The following KDM4C variants were observed in gnomAD, a reference collection of about 807,000 sequenced individuals.
KDM4C encodes lysine demethylase 4C.
A neutral mutation model predicts 129.3 loss-of-function variants in KDM4C; 81 were observed. That is an observed-to-expected ratio of 0.63 (90% CI 0.52 to 0.75). The LOEUF (loss-of-function observed/expected upper bound fraction) is 0.75. Ranked by LOEUF, KDM4C falls within the 30% of genes least tolerant of loss-of-function variation. The pLI, the probability that KDM4C is intolerant of heterozygous loss-of-function variation, is 0.00. For synonymous variants in KDM4C, 573 were observed against 456.1 expected, an observed-to-expected ratio of 1.26 and a Z score of -3.26; for missense variants, 1,457 against 1,304.0, an observed-to-expected ratio of 1.12 and a Z score of -1.81.
rs556518791 is a variant in KDM4C at position 7,028,765 on chromosome 9, A to T, written c.2259+12836A>T. Among the ~76,000 whole-genome samples, 7 of 152,192 alleles carry T rather than the reference A, an allele frequency of 4.6e-5. No homozygotes were observed. In the East Asian group the frequency reaches 7.8e-4, roughly 17 times the overall value. On this transcript the variant is annotated intron_variant, in intron 15 of 21. Transcript: ENST00000381309. ...AACTGGGATGTGTGATCTCCCTCTG[A>T]CGTGGACTGGTTAAATATTCCCTCT...
At chr9:6,950,053 T>G (rs1193443585) in intron 8 of KDM4C, among the ~76,000 whole-genome samples, 1 of 145,180 alleles carries the variant, frequency 6.9e-6, no homozygotes, top group African/African-American at 2.5e-5. Flanking sequence ...TTTTTTTTTT[T>G]TTTTTGGTGG....
intron 17 of KDM4C, among the ~76,000 whole-genome samples, chr9:7,063,967 G>A (rs370139511): frequency 2.0e-5 from 3 of 152,210 alleles, no homozygotes; most frequent in East Asian, 1.9e-4. Flanking sequence ...TTTTGGAGCT[G>A]TGCTGTCTGT....
chr9:6,772,948 G>A (rs984295923), intron 1 of KDM4C, among the ~76,000 whole-genome samples: 4 of 151,648 alleles, frequency 2.6e-5, no homozygotes, highest in African/African-American at 9.7e-5. Context: ...CACCCACCTC[G>A]GCCTCCCCAA....
At chr9:7,135,230 G>C (rs1189107222) in intron 19 of KDM4C, among the ~76,000 whole-genome samples, 2 of 142,362 alleles carry the variant, frequency 1.4e-5, no homozygotes, top group Non-Finnish European at 3.2e-5. Flanking sequence ...TTGCCACAAA[G>C]ACAGACTGAC....
At chr9:7,088,904 CTTTCACAT>C (rs1835463545) in intron 17 of KDM4C, among the ~76,000 whole-genome samples, 1 of 151,970 alleles carries the variant, frequency 6.6e-6, no homozygotes, top group Non-Finnish European at 1.5e-5. Flanking sequence ...TGCAAGTGTG[CTTTCACAT>C]TTTTGTAGGA....
intron 17 of KDM4C, among the ~76,000 whole-genome samples, chr9:7,103,000 C>A (rs1402900027): frequency 1.3e-5 from 2 of 152,142 alleles, no homozygotes; most frequent in Non-Finnish European, 2.9e-5. Context: ...ATCATTATTG[C>A]TGTTTTTATT....
chr9:7,099,876 T>A (rs1442007075), intron 17 of KDM4C, among the ~76,000 whole-genome samples: 1 of 152,142 alleles, frequency 6.6e-6, no homozygotes, highest in South Asian at 2.1e-4. Flanking sequence ...CATACACTTT[T>A]CAATTTTCAA....
At chr9:6,788,082 C>A (rs1825839224) in intron 1 of KDM4C, among the ~76,000 whole-genome samples, 1 of 152,170 alleles carries the variant, frequency 6.6e-6, no homozygotes, top group African/African-American at 2.4e-5. Context: ...TTCCAGATAT[C>A]TGTATGATTA....
intron 5 of KDM4C, among the ~76,000 whole-genome samples, chr9:6,869,875 T>C (rs952436306): frequency 6.6e-6 from 1 of 152,258 alleles, no homozygotes; most frequent in African/African-American, 2.4e-5. Context: ...AAGTATGCAA[T>C]GTTCTACTTT....
chr9:6,922,485 G>T (rs1381069976), intron 8 of KDM4C, among the ~76,000 whole-genome samples: 1 of 152,200 alleles, frequency 6.6e-6, no homozygotes, highest in African/African-American at 2.4e-5. Flanking sequence ...GTTGGCTCAC[G>T]CCTGTAATCC....
rs1301448801 is a variant in KDM4C, at chr9:7,173,153, C to T, written c.2995-1400C>T. 1.3e-5 allele frequency among the ~76,000 whole-genome samples: 2 copies of T among 152,238 alleles called. 1 individual carries two copies. Among genetic ancestry groups the T allele is most frequent in the Non-Finnish European group, 2.9e-5 (2 of 68,042 alleles). On this transcript the variant is annotated intron_variant, in intron 21 of 21. Transcript: ENST00000381309. The stretch of plus-strand genomic sequence containing the variant: ...CCCTGATGGGGAGAAACTTACTTGC[C>T]CCTTACCTCTACCACTGCCCTCCTC...
intron 8 of KDM4C, among the ~76,000 whole-genome samples, chr9:6,934,268 T>A (rs1474854342): frequency 6.6e-6 from 1 of 151,798 alleles, no homozygotes; most frequent in African/African-American, 2.4e-5. Flanking sequence ...GATCATGAAG[T>A]CAGGAGATTG....
intron 4 of KDM4C, among the ~76,000 whole-genome samples, chr9:6,846,174 G>A (rs1297496553): frequency 1.3e-5 from 2 of 152,202 alleles, no homozygotes; most frequent in Admixed American, 6.5e-5. Flanking sequence ...ATGATATGTT[G>A]TGTTTTGAAA....
At chr9:6,799,754 C>T (rs1828573272) in intron 2 of KDM4C, among the ~76,000 whole-genome samples, 1 of 150,274 alleles carries the variant, frequency 6.7e-6, no homozygotes, top group Admixed American at 6.6e-5. Context: ...ATCTGTGTTC[C>T]ATTTTTTTAT....
At chr9:6,836,922 T>C (rs769419320) in intron 4 of KDM4C, among the ~76,000 whole-genome samples, 5 of 152,234 alleles carry the variant, frequency 3.3e-5, no homozygotes, top group Non-Finnish European at 7.3e-5. Flanking sequence ...TGGTACCTGA[T>C]GTACATGTGT....
intron 1 of KDM4C, among the ~76,000 whole-genome samples, chr9:6,759,939 T>C (rs1378944934): frequency 7.5e-6 from 1 of 133,890 alleles, no homozygotes; most frequent in African/African-American, 2.9e-5. Flanking sequence ...AGACTCCATC[T>C]CAAAAAAAAA....
intron 15 of KDM4C, among the ~76,000 whole-genome samples, chr9:7,038,042 C>T (rs981490937): frequency 3.3e-5 from 5 of 151,836 alleles, no homozygotes; most frequent in Non-Finnish European, 5.9e-5. Flanking sequence ...TTGATATCAC[C>T]GTAGGTTAGA....
chr9:7,042,903 T>C (rs183496959), intron 15 of KDM4C, among the ~76,000 whole-genome samples: 1 of 152,158 alleles, frequency 6.6e-6, no homozygotes, highest in Admixed American at 6.6e-5. Flanking sequence ...ATTTTGTAAA[T>C]AACAATGTTG....
At chr9:6,780,768 C>CAA (rs34457968) in intron 1 of KDM4C, among the ~76,000 whole-genome samples, 2,442 of 32,130 alleles carry the variant, frequency 0.076, 668 homozygotes, top group East Asian at 0.25. Context: ...AACTCCCTCT[C>CAA]AAAAAAAAAA....
Sources: gnomAD v4.1 joint callset for allele counts (sites outside exome capture counted in the v4.1 genomes callset) on GRCh38, gnomAD v4.1.1 for gene constraint, MANE v1.5 for transcripts, NCBI Gene and HGNC (gene_info 2026-07-23, HGNC 2026-07-21) for gene names.